The following KIF23 variants were observed in gnomAD, a reference collection of about 807,000 sequenced individuals.
The protein encoded by KIF23 is kinesin-like protein KIF23.
KIF23 carries 30 observed loss-of-function variants against 137.5 expected under a neutral mutation model. That is an observed-to-expected ratio of 0.22 (90% CI 0.16 to 0.30). The LOEUF (loss-of-function observed/expected upper bound fraction) is 0.30, where lower values mean the gene tolerates loss of function less well. Ranked by LOEUF, KIF23 falls within the 10% of genes least tolerant of loss-of-function variation. The probability of loss-of-function intolerance (pLI) is 1.00; values close to 1 mark genes in which losing one functional copy is unlikely to be tolerated. For synonymous variants in KIF23, 367 were observed against 391.1 expected (o/e 0.94, Z 0.73); for missense variants, 920 against 1,194.3 (o/e 0.77, Z 3.38).
rs1221318132 is a variant in KIF23, at chr15:69,439,893, T to C, written c.1756-11T>C. 6.3e-7 allele frequency: 1 copy of C among 1,598,860 alleles called. No individual in the cohort carries two copies. The highest frequency in any genetic ancestry group is 1.7e-5 in the Admixed American group (1 of 58,134). On this transcript the variant is annotated splice_polypyrimidine_tract_variant and intron_variant, in intron 16 of 23. Coordinates refer to ENST00000679126, the MANE Select transcript of KIF23 (RefSeq NM_001367805.3). The stretch of plus-strand genomic sequence containing the variant: ...ATACCAAATATTGAACATAGTGGTC[T>C]ACCTTCCTAGATTGAGATTTTAGAG...
chr15:69,446,094 A>G lies in KIF23; in HGVS notation c.2756+3A>G. On this transcript the variant is annotated splice_donor_region_variant and intron_variant, in intron 21 of 23. Coordinates refer to ENST00000679126, the MANE Select transcript of KIF23 (RefSeq NM_001367805.3). ...TTAAAGCAAGAATCACCAAATGGGTAAGTAACCATCAAAAATCTCTGTATA... is the reference window on the plus strand; with the variant it reads ...TTAAAGCAAGAATCACCAAATGGGTGAGTAACCATCAAAAATCTCTGTATA... 6.2e-7 allele frequency: 1 copy of G among 1,609,738 alleles called. No individual in the cohort carries two copies. Among genetic ancestry groups the G allele is most frequent in the East Asian group, 2.2e-5 (1 of 44,838 alleles).
intron 15 of KIF23, 97 bp downstream of exon 15, chr15:69,436,819 A>G: frequency 4.1e-6 from 3 of 738,486 alleles, no homozygotes; most frequent in Non-Finnish European, 5.9e-6. Flanking sequence ...CAGTGGCACA[A>G]TCTCGGTTCA....
chr15:69,427,025 T>C (rs1322782791), intron 10 of KIF23, among the ~76,000 whole-genome samples: 1 of 152,102 alleles, frequency 6.6e-6, no homozygotes, highest in African/African-American at 2.4e-5. Flanking sequence ...CTCATGCCTG[T>C]AATCCCAGTG....
At position 69,428,660 on chromosome 15, in the gene KIF23, C is replaced by CAAAAA. The variant is rs59950355; in HGVS notation, c.1012-430_1012-426dup. 3.2e-4 allele frequency among the ~76,000 whole-genome samples: 24 copies of CAAAAA among 74,058 alleles called. 1 individual carries two copies. The highest frequency in any genetic ancestry group is 1.3e-3 in the African/African-American group (22 of 17,376). The allele number at this position is 74,058 out of a possible 152,430, so 48.6% of individuals were successfully genotyped here. On this transcript the variant is annotated intron_variant, in intron 10 of 23. Transcript: ENST00000679126. ...GGAGGTAGAGCGAGACTCTGTCTCC[C>CAAAAA]AAAAAAAAAAAAAAAAAAAAAAAAA...
At chr15:69,436,518 T>C in intron 14 of KIF23, 46 bp from the exon 15 acceptor site, 1 of 1,520,172 alleles carries the variant, frequency 6.6e-7, no homozygotes, top group East Asian at 2.3e-5. Flanking sequence ...AAATAAGCTC[T>C]TTCTCTCCTA....
intron 2 of KIF23, among the ~76,000 whole-genome samples, 177 bp from the exon 3 acceptor site, chr15:69,417,206 A>G (rs1451299699): frequency 3.9e-5 from 6 of 152,204 alleles, no homozygotes; most frequent in African/African-American, 1.4e-4. Flanking sequence ...TATCTAATAC[A>G]TACTTGTATT....
chr15:69,432,748 T>C (rs532414887), intron 11 of KIF23, among the ~76,000 whole-genome samples: 1 of 152,348 alleles, frequency 6.6e-6, no homozygotes, highest in East Asian at 1.9e-4. Flanking sequence ...ATTATGTGCT[T>C]CTTTATTAAT....
intron 22 of KIF23, 53 bp from the exon 23 acceptor site, chr15:69,446,818 T>G: frequency 6.6e-7 from 1 of 1,508,364 alleles, no homozygotes; most frequent in Admixed American, 1.7e-5. Flanking sequence ...TAACTGTGTT[T>G]TATAGACTAT....
intron 19 of KIF23, among the ~76,000 whole-genome samples, chr15:69,443,261 G>T (rs1002058940): frequency 1.4e-5 from 2 of 147,578 alleles, no homozygotes; most frequent in Admixed American, 6.8e-5. Flanking sequence ...CTTCATACTT[G>T]ACTAGCTTTG....
Position 69,437,771 on chromosome 15 carries a change from T to A in KIF23, c.1598-477T>A, listed in dbSNP as rs575333521. Among the ~76,000 whole-genome samples the A allele has an allele frequency of 1.4e-4, 22 of 152,306 alleles. 1 individual carries two copies. In the South Asian group the frequency reaches 4.3e-3, roughly 30 times the overall value. ...ACCATGCCTGGCTCTACTATTTTTA[T>A]TATCATTATTCATTTGAATCTTTAC... On this transcript the variant is annotated intron_variant, in intron 15 of 23. Coordinates refer to ENST00000679126, the MANE Select transcript of KIF23 (RefSeq NM_001367805.3).
intron 15 of KIF23, 35 bp downstream of exon 15, chr15:69,436,757 A>ATT (rs753024350): frequency 6.6e-6 from 9 of 1,358,980 alleles, no homozygotes; most frequent in South Asian, 1.7e-5. Context: ...ATTTTATTTA[A>ATT]TTATTTTTTT....
At chr15:69,434,061 A>G (rs777050207) in intron 11 of KIF23, among the ~76,000 whole-genome samples, 24 of 152,202 alleles carry the variant, frequency 1.6e-4, no homozygotes, top group Non-Finnish European at 2.8e-4. Flanking sequence ...ATTTTTACAA[A>G]TGCTTCCTGA....
intron 16 of KIF23, among the ~76,000 whole-genome samples, chr15:69,439,313 C>CT (rs879754770): frequency 8.8e-4 from 123 of 139,952 alleles, no homozygotes; most frequent in Non-Finnish European, 7.0e-4. Context: ...CCTTAGTATG[C>CT]TTTTTTTTTT....
At position 69,423,163 on chromosome 15, in the gene KIF23, C is replaced by A; in HGVS notation, c.568C>A (p.Gln190Lys). The A allele has an allele frequency of 6.4e-7, 1 of 1,568,290 alleles. No homozygotes were observed. Among genetic ancestry groups the A allele is most frequent in the South Asian group, 1.2e-5 (1 of 85,032 alleles). Residue 190 changes from glutamine to lysine, a missense_variant, in exon 7 of 24, where the codon CAA (glutamine) becomes AAA (lysine). By Grantham distance (53) the Gln-to-Lys change is moderately conservative. Around this residue, in one of 4 missense-constraint regions of KIF23, gnomAD observed 714 missense variants for 866.2 expected, o/e 0.82. Transcript: ENST00000679126. Reference sequence around the variant, plus strand: ...ATTGAACTTTTCTTTTTTTAGACGACAAGTAGATCCAGAGTTTGCAGATAT... The same window carrying A: ...ATTGAACTTTTCTTTTTTTAGACGAAAAGTAGATCCAGAGTTTGCAGATAT... The part of the protein sequence containing the change: ...PNPKTSSSKR[Q>K]VDPEFADMIT...
intron 16 of KIF23, among the ~76,000 whole-genome samples, chr15:69,439,170 A>G (rs2057554101): frequency 1.3e-5 from 2 of 152,202 alleles, no homozygotes; most frequent in Non-Finnish European, 2.9e-5. Context: ...ATGTGAGTGA[A>G]ATGAAGAATC....
chr15:69,421,975 G>A lies in KIF23; in HGVS notation c.317-17G>A. 6.2e-7 allele frequency: 1 copy of A among 1,612,418 alleles called. No individual in the cohort carries two copies. The highest frequency in any genetic ancestry group is 1.3e-5 in the African/African-American group (1 of 74,886). ...GAACTTCTAAGATATAACTCATTGT[G>A]ACTTGCTACACTGTAGGTCTTCTTT... is the stretch of plus-strand genomic sequence containing the variant. On this transcript the variant is annotated splice_polypyrimidine_tract_variant and intron_variant, in intron 4 of 23. Coordinates refer to ENST00000679126, the MANE Select transcript of KIF23 (RefSeq NM_001367805.3).
chr15:69,416,791 C>G (rs755111544), intron 2 of KIF23, among the ~76,000 whole-genome samples: 1 of 152,000 alleles, frequency 6.6e-6, no homozygotes, highest in Non-Finnish European at 1.5e-5. Flanking sequence ...CCTGTCTCTA[C>G]TAAAATTACA....
chr15:69,416,008 C>T lies in KIF23; in HGVS notation c.26C>T (p.Pro9Leu). The T allele has an allele frequency of 4.4e-6, 7 of 1,578,608 alleles. No homozygotes were observed. Among genetic ancestry groups the T allele is most frequent in the Non-Finnish European group, 6.0e-6 (7 of 1,169,346 alleles). Residue 9 changes from proline to leucine, a missense_variant, in exon 2 of 24, where the codon CCC (proline) becomes CTC (leucine). Physicochemically the swap from Pro to Leu is moderately conservative, Grantham distance 98 (BLOSUM62 -3). Around this residue, in one of 4 missense-constraint regions of KIF23, gnomAD observed 124 missense variants for 122.0 expected, o/e 1.02. Coordinates refer to ENST00000679126, the MANE Select transcript of KIF23 (RefSeq NM_001367805.3). MKSARAKT[P>L]RKPTVKKGSQ... The stretch of plus-strand genomic sequence containing the variant: ...TCTATGACCAGGAGAGCTAAGACAC[C>T]CCGGAAACCTACCGTGAAAAAAGGG...
intron 19 of KIF23, among the ~76,000 whole-genome samples, chr15:69,442,943 A>G (rs969341174): frequency 6.6e-6 from 1 of 152,242 alleles, no homozygotes. Context: ...TGTTTCATAA[A>G]TGCTAGTAGA....
Sources: allele counts gnomAD v4.1 joint callset (sites outside exome capture counted in the v4.1 genomes callset), GRCh38; gene constraint gnomAD v4.1.1; regional missense constraint gnomAD v4.1.1; transcripts MANE v1.5; gene names NCBI Gene and HGNC (gene_info 2026-07-23, HGNC 2026-07-21).